AMDHD1: variants seen among roughly 807,000 people sequenced by gnomAD.
AMDHD1 encodes the protein probable imidazolonepropionase.
Under a neutral mutation model 44.1 loss-of-function variants are expected in AMDHD1, and 45 were observed. That is an observed-to-expected ratio of 1.02 (90% CI 0.80 to 1.31). AMDHD1 has a LOEUF of 1.31. Among genes scored for constraint, AMDHD1 ranks in the 50% most tolerant of loss-of-function variants. The probability of loss-of-function intolerance (pLI) is 0.00; values close to 1 mark genes in which losing one functional copy is unlikely to be tolerated. For missense variants in AMDHD1, 586 were observed against 552.1 expected (o/e 1.06, Z -0.61); for synonymous variants, 206 against 205.0 (o/e 1.00, Z -0.04).
At chr12:95,966,776 G>C (rs997791827) in intron 8 of AMDHD1, among the ~76,000 whole-genome samples, 3 of 152,182 alleles carry the variant, frequency 2.0e-5, no homozygotes, top group African/African-American at 7.2e-5. Flanking sequence ...ACTTTGGCCG[G>C]GTTGTGCCCT....
Position 95,966,454 on chromosome 12 carries a change from A to T in AMDHD1, c.1139A>T (p.His380Leu). 6.2e-7 allele frequency: 1 copy of T among 1,614,232 alleles called. No homozygotes were observed. Among genetic ancestry groups the T allele is most frequent in the South Asian group, 1.1e-5 (1 of 91,090 alleles). The change falls in exon 8 of 9, where the codon CAC (histidine) becomes CTC (leucine). Residue 380 changes from histidine to leucine, a missense_variant. His to Leu is a moderately conservative substitution (Grantham distance 99). Coordinates refer to ENST00000266736, the MANE Select transcript of AMDHD1 (RefSeq NM_152435.3). ...AAYALGKSHT[H>L]GSLEVGKQGD... ...TATGCACTGGGAAAGTCTCACACAC[A>T]CGGATCGTTGGAAGTTGGCAAACAG...
chr12:95,958,840 G>A (rs1421723459), intron 4 of AMDHD1, among the ~76,000 whole-genome samples: 1 of 152,176 alleles, frequency 6.6e-6, no homozygotes. Context: ...TGGATCACCT[G>A]AGGTCAGAAG....
chr12:95,961,149 A>AAAAAAAAG (rs2080579785), intron 5 of AMDHD1, among the ~76,000 whole-genome samples: 1 of 151,756 alleles, frequency 6.6e-6, no homozygotes, highest in African/African-American at 2.4e-5. Context: ...CATCTCAAAA[A>AAAAAAAAG]AAAAAAGGAA....
chr12:95,960,669 A>G, intron 5 of AMDHD1, 46 bp downstream of exon 5: 1 of 1,563,360 alleles, frequency 6.4e-7, no homozygotes, highest in Non-Finnish European at 8.8e-7. Context: ...TCATTCTTGC[A>G]CATTCATGCT....
At chr12:95,967,683 A>G (rs1459900211) in intron 8 of AMDHD1, 73 bp from the exon 9 acceptor site, 1 of 1,193,534 alleles carries the variant, frequency 8.4e-7, no homozygotes, top group African/African-American at 1.6e-5. Flanking sequence ...TAAAATTAGC[A>G]TTTATTGATA....
At chr12:95,965,380 C>T (rs776740409) in intron 6 of AMDHD1, among the ~76,000 whole-genome samples, 1 of 150,880 alleles carries the variant, frequency 6.6e-6, no homozygotes, top group African/African-American at 2.4e-5. Flanking sequence ...TATTAAATTC[C>T]AAAACCATTT....
rs753735915 is a variant in AMDHD1, at chr12:95,952,790, A to G, written c.211A>G (p.Ile71Val). 2 of 1,611,788 alleles carry G rather than the reference A, an allele frequency of 1.2e-6. No individual in the cohort carries two copies. The highest frequency in any genetic ancestry group is 2.7e-5 in the African/African-American group (2 of 75,032). The stretch of plus-strand genomic sequence containing the variant: ...GTTTTCTGGAGAAACTTTTGAAGAA[A>G]TAATTGACTGCTCTGGGAAATGTAT... ...RQFSGETFEE[I>V]IDCSGKCILP... Residue 71 changes from isoleucine (I) to valine (V), a missense_variant, in exon 2 of 9, where the codon ATA becomes GTA. Coordinates refer to ENST00000266736, the MANE Select transcript of AMDHD1 (RefSeq NM_152435.3).
At chr12:95,964,987 AAATGGAAACT>A in intron 6 of AMDHD1, among the ~76,000 whole-genome samples, 1 of 146,670 alleles carries the variant, frequency 6.8e-6, no homozygotes, top group South Asian at 2.1e-4. Context: ...GGAAATTGCA[AAATGGAAACT>A]AATAAAAATA....
At chr12:95,966,887 C>T (rs1031477340) in intron 8 of AMDHD1, among the ~76,000 whole-genome samples, 1 of 152,212 alleles carries the variant, frequency 6.6e-6, no homozygotes, top group African/African-American at 2.4e-5. Flanking sequence ...TCTGATTTCT[C>T]ATGCCGACTG....
intron 1 of AMDHD1, among the ~76,000 whole-genome samples, chr12:95,948,499 A>G (rs1471562737): frequency 4.5e-5 from 3 of 67,046 alleles, no homozygotes; most frequent in African/African-American, 6.1e-5. Context: ...TGGGGGTGTC[A>G]GCCCCCCGCC....
chr12:95,944,086 C>G (rs767222794), intron 1 of AMDHD1, among the ~76,000 whole-genome samples: 21 of 152,040 alleles, frequency 1.4e-4, no homozygotes, highest in Non-Finnish European at 1.2e-4. Context: ...CAAGATTTGA[C>G]CATCAGAAAA....
At chr12:95,965,550 A>G (rs1319529429) in intron 6 of AMDHD1, 136 bp from the exon 7 acceptor site, 1 of 532,352 alleles carries the variant, frequency 1.9e-6, no homozygotes, top group African/African-American at 1.9e-5. Flanking sequence ...TCTACCACTA[A>G]TCATTTAATC....
intron 8 of AMDHD1, 123 bp downstream of exon 8, chr12:95,966,631 C>G (rs774067051): frequency 2.0e-5 from 25 of 1,235,460 alleles, no homozygotes; most frequent in Non-Finnish European, 2.9e-5. Context: ...CTATCCAGTC[C>G]CCTCTATCTT....
chr12:95,956,921 CG>C lies in AMDHD1; in HGVS notation c.548del (p.Gly183AlafsTer33). 1 of 1,612,744 alleles carries C rather than the reference CG, an allele frequency of 6.2e-7. No individual in the cohort carries two copies. Among genetic ancestry groups the C allele is most frequent in the Non-Finnish European group, 8.5e-7 (1 of 1,179,942 alleles). On this transcript the variant is annotated frameshift_variant, in exon 4 of 9. Transcript: ENST00000266736. LOFTEE classifies it high-confidence loss of function. ...IERARRELDI[G>X]ISATYCGAHS... Reference sequence around the variant, plus strand: ...AGCGCGCCCGGCGGGAGCTGGACATCGGCATCTCGGCTACCTACTGCGGGGC... The same window carrying C: ...AGCGCGCCCGGCGGGAGCTGGACATCGCATCTCGGCTACCTACTGCGGGGC...
In AMDHD1 at chr12:95,956,758, A is replaced by C; in HGVS notation, c.383A>C (p.Gln128Pro). Residue 128 changes from glutamine to proline, a missense_variant, in exon 4 of 9, where the codon CAA (glutamine) becomes CCA (proline). Transcript: ENST00000266736. ...CACTTTACCGTGGAGCGCACGCGCC[A>C]AGCCACAGAGGAGGAGCTGTTCCGC... is the stretch of plus-strand genomic sequence containing the variant. Reference protein sequence around the residue: ...GIHFTVERTRQATEEELFRSL... With the variant: ...GIHFTVERTRPATEEELFRSL... 1 of 1,614,252 alleles carries C rather than the reference A, an allele frequency of 6.2e-7. No individual in the cohort carries two copies. Among genetic ancestry groups the C allele is most frequent in the African/African-American group, 1.3e-5 (1 of 75,074 alleles).
chr12:95,963,389 G>GCTCC (rs139573262), intron 6 of AMDHD1, among the ~76,000 whole-genome samples: 8,538 of 152,186 alleles, frequency 0.056, 380 homozygotes, highest in South Asian at 0.19. Flanking sequence ...GCACAGAACA[G>GCTCC]CTCCCAAAAC....
intron 6 of AMDHD1, 74 bp downstream of exon 6, chr12:95,962,553 G>A: frequency 6.8e-7 from 1 of 1,469,320 alleles, no homozygotes; most frequent in African/African-American, 1.4e-5. Flanking sequence ...AAAGTGCCCA[G>A]ACATTATTTC....
intron 1 of AMDHD1, among the ~76,000 whole-genome samples, chr12:95,951,168 C>T (rs1031825348): frequency 4.6e-5 from 7 of 152,144 alleles, no homozygotes; most frequent in Non-Finnish European, 1.0e-4. Flanking sequence ...ATATCAAATA[C>T]TGGGTCTTAT....
At chr12:95,955,088 A>G in intron 3 of AMDHD1, 113 bp downstream of exon 3, 2 of 1,042,120 alleles carry the variant, frequency 1.9e-6, no homozygotes, top group Non-Finnish European at 2.9e-6. Flanking sequence ...TTTTTAATGG[A>G]TATTTTTACT....
Sources: allele counts gnomAD v4.1 joint callset (sites outside exome capture counted in the v4.1 genomes callset), GRCh38; gene constraint gnomAD v4.1.1; transcripts MANE v1.5; gene names NCBI Gene and HGNC (gene_info 2026-07-23, HGNC 2026-07-21).